MOK: variants seen among roughly 807,000 people sequenced by gnomAD.
The protein encoded by MOK is MAPK/MAK/MRK overlapping kinase.
MOK carries 59 observed loss-of-function variants against 54.2 expected under a neutral mutation model. The ratio of observed to expected loss-of-function variants is 1.09; its 90% CI spans 0.88 to 1.35. The LOEUF (loss-of-function observed/expected upper bound fraction) is 1.35. MOK is among the 40% of genes most tolerant of loss of function. MOK has a pLI of 0.00. For missense variants in MOK, 517 were observed against 526.2 expected (o/e 0.98, Z 0.17); for synonymous variants, 210 against 202.7 (o/e 1.04, Z -0.31).
chr14:102,286,600 G>T (rs115365512), intron 1 of MOK, among the ~76,000 whole-genome samples: 1 of 152,018 alleles, frequency 6.6e-6, no homozygotes, highest in Non-Finnish European at 1.5e-5. Context: ...GACAGAGGGA[G>T]ACCCTGTCTA....
intron 6 of MOK, among the ~76,000 whole-genome samples, chr14:102,251,263 T>A (rs2066505628): frequency 6.6e-6 from 1 of 152,192 alleles, no homozygotes; most frequent in Admixed American, 6.5e-5. Flanking sequence ...CCATTGGCGC[T>A]TCTACAAATG....
rs1267678955 is a variant in MOK at position 102,240,196 on chromosome 14, G to C, written c.591-6407C>G. Reference sequence around the variant, plus strand: ...ACTACCTACCCAAATCCTATAAAACGACCCACCCCTATCTCCCTTTGCTGA... The same window carrying C: ...ACTACCTACCCAAATCCTATAAAACCACCCACCCCTATCTCCCTTTGCTGA... On this transcript the variant is annotated intron_variant, in intron 7 of 11. Transcript: ENST00000361847. The surrounding 1 kb of genome is among the most constrained non-coding windows in gnomAD (Gnocchi z 5.4). 6.6e-6 allele frequency among the ~76,000 whole-genome samples: 1 copy of C among 152,052 alleles called. No homozygotes were observed. Among genetic ancestry groups the C allele is most frequent in the South Asian group, 2.1e-4 (1 of 4,824 alleles).
At chr14:102,226,844 G>A (rs1285733703), downstream of MOK, among the ~76,000 whole-genome samples, 2 of 152,204 alleles carry the variant, frequency 1.3e-5, no homozygotes, top group Non-Finnish European at 2.9e-5. This position sits in a 1 kb window ranked among gnomAD's most constrained non-coding sequence, Gnocchi z 4.8. Context: ...TCCATGGAGG[G>A]GGCCTGTGGA....
At chr14:102,287,702 A>C (rs924901199) in intron 1 of MOK, among the ~76,000 whole-genome samples, 2 of 152,194 alleles carry the variant, frequency 1.3e-5, no homozygotes, top group African/African-American at 4.8e-5. Context: ...TAGAATCAAA[A>C]ACATAGATAA....
At chr14:102,298,234 A>C (rs1305832060) in intron 1 of MOK, among the ~76,000 whole-genome samples, 1 of 152,144 alleles carries the variant, frequency 6.6e-6, no homozygotes, top group Non-Finnish European at 1.5e-5. Context: ...GTCTAGCTCA[A>C]GGTTTGTAAA....
chr14:102,224,361 T>A, downstream of MOK: 1 of 346,052 alleles, frequency 2.9e-6, no homozygotes, highest in Non-Finnish European at 5.6e-6. Context: ...TTTTCTTACT[T>A]GGTTGAAACC....
At chr14:102,244,524 TCTA>T (rs1225151926) in intron 7 of MOK, among the ~76,000 whole-genome samples, 1 of 152,210 alleles carries the variant, frequency 6.6e-6, no homozygotes, top group Non-Finnish European at 1.5e-5. Flanking sequence ...CATCTGCTAT[TCTA>T]CTACTCCTCA....
chr14:102,276,592 G>A (rs968956246), intron 2 of MOK, among the ~76,000 whole-genome samples: 1 of 151,900 alleles, frequency 6.6e-6, no homozygotes, highest in Non-Finnish European at 1.5e-5. Context: ...TTGACCCAGT[G>A]ATTCTGTTTC....
chr14:102,224,080 T>TA (rs1381718366), downstream of MOK, among the ~76,000 whole-genome samples: 2 of 149,976 alleles, frequency 1.3e-5, no homozygotes, highest in Non-Finnish European at 3.0e-5. Flanking sequence ...CTCCCTCTGT[T>TA]GTCCAGGCTG....
chr14:102,291,464 A>T (rs552304831), intron 1 of MOK, among the ~76,000 whole-genome samples: 1 of 152,166 alleles, frequency 6.6e-6, no homozygotes, highest in Non-Finnish European at 1.5e-5. Context: ...TCTGCCCTCA[A>T]GCAGACCCTC....
the MOK span, chr14:102,215,076 T>C: frequency 1.2e-6 from 1 of 835,096 alleles, no homozygotes; most frequent in Non-Finnish European, 1.4e-6. Flanking sequence ...ACCAGAAAAG[T>C]TTTTAAATGC....
Position 102,232,823 on chromosome 14 carries a change from T to C in MOK, c.693-115A>G. Reference sequence around the variant, plus strand: ...GGGAATGGTTTATGACTGCAGAGTCTACACCTGTCCCAGCCCACAGAACGT... The same window carrying C: ...GGGAATGGTTTATGACTGCAGAGTCCACACCTGTCCCAGCCCACAGAACGT... On this transcript the variant is annotated intron_variant, in intron 8 of 11. Transcript: ENST00000361847. This position sits in a 1 kb window ranked among gnomAD's most constrained non-coding sequence, Gnocchi z 5.1. 1.1e-6 allele frequency: 1 copy of C among 886,588 alleles called. No homozygotes were observed. The highest frequency in any genetic ancestry group is 1.7e-6 in the Non-Finnish European group (1 of 585,596). 54.9% of individuals were successfully genotyped at this position (886,588 alleles called of 1,614,324 possible). A position where few individuals can be genotyped will look rare whatever the true frequency, so the allele number is the denominator to read the frequency against.
Position 102,233,691 on chromosome 14 carries a change from T to C in MOK, c.689A>G (p.Lys230Arg), listed in dbSNP as rs34965156. 16,257 of 1,611,996 alleles carry C rather than the reference T, an allele frequency of 0.01. 1,018 individuals are homozygous for C. In the African/African-American group the frequency reaches 0.16, roughly 16 times the overall value. ...ACTCTCAGAACACAATACTTACTGT[T>C]TGAACTTGGTGAGGATCTTCTGAGC... ...TPAQKILTKF[K>R]QSRAMNFDFP... The change falls in exon 8 of 12, where the codon AAA (lysine) becomes AGA (arginine). Residue 230 changes from lysine (K) to arginine (R), a missense_variant. By Grantham distance (26) the Lys-to-Arg change is conservative (BLOSUM62 2). Transcript: ENST00000361847.
intron 8 of MOK, chr14:102,233,461 G>A (rs1426370310): frequency 1.2e-5 from 6 of 517,518 alleles, no homozygotes; most frequent in Non-Finnish European, 1.7e-5. Flanking sequence ...GAAAGCCTGT[G>A]ACAAATCTTT....
intron 4 of MOK, among the ~76,000 whole-genome samples, chr14:102,254,141 C>T (rs902459980): frequency 2.6e-4 from 40 of 152,242 alleles, no homozygotes; most frequent in Admixed American, 7.2e-4. Flanking sequence ...CCCGCCACCA[C>T]TACACCCTGA....
chr14:102,287,890 T>G (rs1016846322), intron 1 of MOK, among the ~76,000 whole-genome samples: 5 of 148,594 alleles, frequency 3.4e-5, no homozygotes, highest in African/African-American at 1.3e-4. Flanking sequence ...CGGACTGCAG[T>G]GGCGCAATCT....
intron 2 of MOK, among the ~76,000 whole-genome samples, chr14:102,274,479 C>T (rs1440808014): frequency 6.6e-6 from 1 of 151,358 alleles, no homozygotes; most frequent in Non-Finnish European, 1.5e-5. Flanking sequence ...TGGTCTTGAA[C>T]TCCTGGGCTC....
rs908584110 is a variant in MOK at position 102,231,622 on chromosome 14, G to A, written c.981+85C>T. ...GTCTGCCACAGCCTCCACAGGTGGC[G>A]TCCTCCTGAGAGAGACACAGGCCAC... On this transcript the variant is annotated intron_variant, in intron 10 of 11. Coordinates refer to ENST00000361847, the MANE Select transcript of MOK (RefSeq NM_014226.3). The surrounding 1 kb of genome is among the most constrained non-coding windows in gnomAD (Gnocchi z 4.4). The A allele has an allele frequency of 2.1e-5, 25 of 1,185,012 alleles. 1 individual carries two copies. The highest frequency in any genetic ancestry group is 1.1e-4 in the African/African-American group (7 of 66,334). The allele number at this position is 1,185,012 out of a possible 1,614,324, so 73.4% of individuals were successfully genotyped here.
chr14:102,288,416 G>C (rs186583696), intron 1 of MOK, among the ~76,000 whole-genome samples: 6 of 152,288 alleles, frequency 3.9e-5, no homozygotes, highest in Admixed American at 3.9e-4. Flanking sequence ...ATTATGCTAA[G>C]TGAAAGAAAT....
Sources: allele counts gnomAD v4.1 joint callset (sites outside exome capture counted in the v4.1 genomes callset), GRCh38; gene constraint gnomAD v4.1.1; non-coding constraint Gnocchi (gnomAD v3.1); transcripts MANE v1.5; gene names NCBI Gene and HGNC (gene_info 2026-07-23, HGNC 2026-07-21).